Variants in CHAF1A observed in about 807,000 individuals in gnomAD.
The protein encoded by CHAF1A is chromatin assembly factor 1 subunit A.
In CHAF1A, 5 loss-of-function variants were observed where a neutral mutation model predicts 93.2. The observed-to-expected ratio is 0.05, with a 90% CI of 0.03 to 0.11. The LOEUF is 0.11. Among genes scored for constraint, CHAF1A ranks in the 10% least tolerant of loss-of-function variants. The probability of loss-of-function intolerance (pLI) is 1.00; values close to 1 mark genes in which losing one functional copy is unlikely to be tolerated. For synonymous variants in CHAF1A, 504 were observed against 510.3 expected (o/e 0.99, Z 0.17); for missense variants, 1,102 against 1,259.9 (o/e 0.87, Z 1.90).
At chr19:4,420,452 A>G (rs1973971460) in intron 4 of CHAF1A, among the ~76,000 whole-genome samples, 1 of 152,100 alleles carries the variant, frequency 6.6e-6, no homozygotes, top group South Asian at 2.1e-4. Flanking sequence ...CATGTTGGCC[A>G]GGCTGGTCTC....
At chr19:4,440,745 T>TGGACCTGTGCAGC (rs1268081776) in intron 13 of CHAF1A, among the ~76,000 whole-genome samples, 1 of 151,778 alleles carries the variant, frequency 6.6e-6, no homozygotes, top group African/African-American at 2.4e-5. Flanking sequence ...TCCTGAGCTG[T>TGGACCTGTGCAGC]GGACCTGTGC....
rs1489612202 is a variant in CHAF1A at position 4,429,690 on chromosome 19, ATG to A, written c.1774-14_1774-13del. 6.2e-7 allele frequency: 1 copy of A among 1,613,792 alleles called. No individual in the cohort carries two copies. Among genetic ancestry groups the A allele is most frequent in the Non-Finnish European group, 8.5e-7 (1 of 1,179,940 alleles). ...AGCCCCAAAGACAGTTGTGAGTCCC[ATG>A]TGTTTCTTTTCTCAGAAGCTCCTGG... On this transcript the variant is annotated splice_polypyrimidine_tract_variant and intron_variant, in intron 9 of 14. Coordinates refer to ENST00000301280, the MANE Select transcript of CHAF1A (RefSeq NM_005483.3).
chr19:4,409,032 A>C lies in CHAF1A; in HGVS notation c.233A>C (p.Asn78Thr). 1 of 1,614,176 alleles carries C rather than the reference A, an allele frequency of 6.2e-7. No homozygotes were observed. The highest frequency in any genetic ancestry group is 8.5e-7 in the Non-Finnish European group (1 of 1,180,044). Residue 78 changes from asparagine to threonine, a missense_variant, in exon 3 of 15, where the codon AAC becomes ACC. Asn to Thr is a moderately conservative substitution (Grantham distance 65). This residue lies in a region of CHAF1A where 379 missense variants were observed against 365.7 expected (regional missense o/e 1.04). Coordinates refer to ENST00000301280, the MANE Select transcript of CHAF1A (RefSeq NM_005483.3). ...GCCTCTTTGGACACCTTGGAAAACA[A>C]CTGTCATGTGGGTTCTGACATAGAC... Reference protein sequence around the residue: ...LEASLDTLENNCHVGSDIDFR... With the variant: ...LEASLDTLENTCHVGSDIDFR...
chr19:4,433,995 C>A lies in CHAF1A; in HGVS notation c.2673+456C>A, dbSNP rs1320677419. 2.0e-5 allele frequency among the ~76,000 whole-genome samples: 3 copies of A among 152,058 alleles called. No individual in the cohort carries two copies. Among genetic ancestry groups the A allele is most frequent in the African/African-American group, 7.2e-5 (3 of 41,388 alleles). Reference sequence around the variant, plus strand: ...CAGAAAGTTCCCATACACCTCCTTCCCCAAAGCCAAGCCAAGCCACCCAAC... The same window carrying A: ...CAGAAAGTTCCCATACACCTCCTTCACCAAAGCCAAGCCAAGCCACCCAAC... On this transcript the variant is annotated intron_variant, in intron 13 of 14. Coordinates refer to ENST00000301280, the MANE Select transcript of CHAF1A (RefSeq NM_005483.3). The surrounding 1 kb of genome is among the most constrained non-coding windows in gnomAD (Gnocchi z 5.6).
chr19:4,447,165 A>G (rs1974551207), downstream of CHAF1A: 2 of 593,302 alleles, frequency 3.4e-6, no homozygotes, highest in Non-Finnish European at 6.0e-6. Context: ...GAGGCTGAGG[A>G]GCCAGACACT....
downstream of CHAF1A, chr19:4,448,060 CAT>C: frequency 1.8e-6 from 1 of 561,416 alleles, no homozygotes; most frequent in Non-Finnish European, 3.2e-6. Flanking sequence ...GCCTCCTCCA[CAT>C]GTTCCCCAAG....
intron 10 of CHAF1A, chr19:4,430,032 C>A: frequency 2.1e-6 from 1 of 485,484 alleles, no homozygotes; most frequent in Non-Finnish European, 3.7e-6. Flanking sequence ...GCATCTGCAC[C>A]GTGGCCCCAC....
At chr19:4,445,180 C>T (rs1340298062), downstream of CHAF1A, 2 of 344,364 alleles carry the variant, frequency 5.8e-6, no homozygotes, top group African/African-American at 2.1e-5. Context: ...TGCAGGCCTG[C>T]TCTCCTGCCC....
At chr19:4,421,921 C>T (rs1973996969) in intron 4 of CHAF1A, among the ~76,000 whole-genome samples, 2 of 152,198 alleles carry the variant, frequency 1.3e-5, no homozygotes, top group African/African-American at 2.4e-5. Flanking sequence ...CAGCTCACTG[C>T]ACCCTACGTC....
At chr19:4,434,519 A>C (rs573610350) in intron 13 of CHAF1A, among the ~76,000 whole-genome samples, 1 of 152,094 alleles carries the variant, frequency 6.6e-6, no homozygotes, top group Admixed American at 6.6e-5. Context: ...TGCCCGTCCA[A>C]TCCCTTGGAA....
chr19:4,408,256 G>C (rs1481833576), intron 2 of CHAF1A, among the ~76,000 whole-genome samples: 2 of 148,704 alleles, frequency 1.3e-5, no homozygotes, highest in Non-Finnish European at 3.0e-5. Flanking sequence ...GCAGTGGCGT[G>C]ATCTCAGCTC....
intron 13 of CHAF1A, among the ~76,000 whole-genome samples, chr19:4,434,797 C>T (rs1974252249): frequency 6.6e-6 from 1 of 152,158 alleles, no homozygotes; most frequent in African/African-American, 2.4e-5. Flanking sequence ...GTCTCTCAGA[C>T]ACAGGTATAT....
chr19:4,446,852 A>C, downstream of CHAF1A: 1 of 1,614,002 alleles, frequency 6.2e-7, no homozygotes, highest in Non-Finnish European at 8.5e-7. Flanking sequence ...CCTGGGCGGG[A>C]AGCAACACCT....
downstream of CHAF1A, chr19:4,445,341 G>A: frequency 7.7e-7 from 1 of 1,291,052 alleles, no homozygotes; most frequent in Non-Finnish European, 1.1e-6. Context: ...TCTGCCACGG[G>A]GCCCAATTCC....
chr19:4,441,014 A>G (rs1029178319), intron 13 of CHAF1A, among the ~76,000 whole-genome samples: 5 of 142,554 alleles, frequency 3.5e-5, no homozygotes, highest in African/African-American at 5.2e-5. Context: ...AAAAAAAAAA[A>G]GGCACAGCAA....
Position 4,432,049 on chromosome 19 carries a change from A to G in CHAF1A, c.2045A>G (p.Gln682Arg), listed in dbSNP as rs1473600540. The change falls in exon 12 of 15, where the codon CAA becomes CGA. Residue 682 changes from glutamine to arginine, a missense_variant. Coordinates refer to ENST00000301280, the MANE Select transcript of CHAF1A (RefSeq NM_005483.3). ...AAGGGGAAGCGCTTTCGCGTCCTGCAACCTGTGAAGATCGGCTGCGTGTGG... is the reference window on the plus strand; with the variant it reads ...AAGGGGAAGCGCTTTCGCGTCCTGCGACCTGTGAAGATCGGCTGCGTGTGG... ...LAKGKRFRVLQPVKIGCVWAA... is the reference protein window; with the variant it reads ...LAKGKRFRVLRPVKIGCVWAA... The G allele has an allele frequency of 6.2e-7, 1 of 1,614,010 alleles. No homozygotes were observed. Among genetic ancestry groups the G allele is most frequent in the East Asian group, 2.2e-5 (1 of 44,878 alleles).
chr19:4,438,565 T>C (rs1305989630), intron 13 of CHAF1A, among the ~76,000 whole-genome samples: 1 of 152,218 alleles, frequency 6.6e-6, no homozygotes. Context: ...TGAAGTGCCA[T>C]GTATCTGTGA....
downstream of CHAF1A, chr19:4,447,334 A>G: frequency 1.7e-6 from 1 of 592,362 alleles, no homozygotes; most frequent in Non-Finnish European, 3.0e-6. Context: ...AGGTGAGGAG[A>G]GGCAGAATTT....
chr19:4,411,023 T>A (rs939836042), intron 3 of CHAF1A, among the ~76,000 whole-genome samples: 11 of 152,214 alleles, frequency 7.2e-5, no homozygotes, highest in Non-Finnish European at 2.9e-5. Context: ...TTACTTTTTA[T>A]CTTAAGTATG....
Sources: allele counts gnomAD v4.1 joint callset (sites outside exome capture counted in the v4.1 genomes callset), GRCh38; gene constraint gnomAD v4.1.1; regional missense constraint gnomAD v4.1.1; non-coding constraint Gnocchi (gnomAD v3.1); transcripts MANE v1.5; gene names NCBI Gene and HGNC (gene_info 2026-07-23, HGNC 2026-07-21).